The following AGPAT5 variants were observed in gnomAD, a reference collection of about 807,000 sequenced individuals.
AGPAT5 encodes 1-acylglycerol-3-phosphate O-acyltransferase 5, also known as 1-acyl-sn-glycerol-3-phosphate acyltransferase epsilon.
AGPAT5 carries 46 observed loss-of-function variants against 45.6 expected under a neutral mutation model. The ratio of observed to expected loss-of-function variants is 1.01; its 90% CI spans 0.80 to 1.29. The LOEUF is 1.29. Ranked by LOEUF, AGPAT5 falls within the 50% of genes most tolerant of loss-of-function variation. The pLI is 0.00. For synonymous variants in AGPAT5, 272 were observed against 167.0 expected (o/e 1.63, Z -4.85); for missense variants, 673 against 450.7 (o/e 1.49, Z -4.47).
At chr8:6,747,257 C>T (rs1368798066) in intron 5 of AGPAT5, among the ~76,000 whole-genome samples, 2 of 152,160 alleles carry the variant, frequency 1.3e-5, no homozygotes, top group Admixed American at 6.5e-5. Flanking sequence ...CCATGCTGAG[C>T]GAAAGAAGCC....
intron 1 of AGPAT5, among the ~76,000 whole-genome samples, chr8:6,716,617 T>C (rs1800339674): frequency 1.3e-5 from 2 of 152,142 alleles, no homozygotes; most frequent in Admixed American, 6.5e-5. Flanking sequence ...ATGGATCACC[T>C]GAGGTCGGGA....
rs1800635165 is a variant in AGPAT5, at chr8:6,724,950, C to T, written c.289+11C>T. The T allele has an allele frequency of 9.0e-7, 1 of 1,114,216 alleles. No homozygotes were observed. The highest frequency in any genetic ancestry group is 3.2e-5 in the East Asian group (1 of 31,536). 69.0% of individuals were successfully genotyped at this position (1,114,216 alleles called of 1,614,324 possible). A position where few individuals can be genotyped will look rare whatever the true frequency, so the allele number is the denominator to read the frequency against. On this transcript the variant is annotated intron_variant, in intron 2 of 7. Transcript: ENST00000285518. ...ATCATCAAAGCACAGGTTTGTATTT[C>T]ATTTGCATGAAACATAGGTTTTTCT...
At chr8:6,752,080 G>C (rs1414930310) in intron 6 of AGPAT5, among the ~76,000 whole-genome samples, 1 of 152,122 alleles carries the variant, frequency 6.6e-6, no homozygotes, top group Non-Finnish European at 1.5e-5. Flanking sequence ...AGGAGGCTGA[G>C]GTAGGGGAAT....
intron 1 of AGPAT5, among the ~76,000 whole-genome samples, chr8:6,714,299 A>G (rs370185836): frequency 2.0e-5 from 3 of 152,146 alleles, no homozygotes; most frequent in African/African-American, 4.8e-5. Context: ...GTGTTTCTGC[A>G]TTTGCTTATT....
Position 6,724,944 on chromosome 8 carries a change from G to A in AGPAT5, c.289+5G>A. On this transcript the variant is annotated splice_donor_5th_base_variant and intron_variant, in intron 2 of 7. Coordinates refer to ENST00000285518, the MANE Select transcript of AGPAT5 (RefSeq NM_018361.5). The stretch of plus-strand genomic sequence containing the variant: ...TAGCAAATCATCAAAGCACAGGTTT[G>A]TATTTCATTTGCATGAAACATAGGT... 8.8e-7 allele frequency: 1 copy of A among 1,135,954 alleles called. No homozygotes were observed. The highest frequency in any genetic ancestry group is 1.2e-6 in the Non-Finnish European group (1 of 864,420). 70.4% of individuals were successfully genotyped at this position (1,135,954 alleles called of 1,614,324 possible).
intron 4 of AGPAT5, among the ~76,000 whole-genome samples, chr8:6,739,456 T>C (rs895723857): frequency 1.3e-5 from 2 of 152,144 alleles, no homozygotes; most frequent in Non-Finnish European, 2.9e-5. Flanking sequence ...TCTTTATTTA[T>C]CTCAGTGTGT....
rs1802001844 is a variant in AGPAT5 at position 6,760,530 on chromosome 8, T to C, written c.*3142T>C. On this transcript the variant is annotated 3_prime_UTR_variant, in exon 8 of 8. Transcript: ENST00000285518. ...CCAAAGCAGTATTTTGTGTGTATAA[T>C]TGCAAGCGCATAGTAAAATAATTTT... Among the ~76,000 whole-genome samples, 1 of 152,278 alleles carries C rather than the reference T, an allele frequency of 6.6e-6. No homozygotes were observed. The highest frequency in any genetic ancestry group is 2.4e-5 in the African/African-American group (1 of 41,476).
At position 6,730,817 on chromosome 8, in the gene AGPAT5, C is replaced by T; in HGVS notation, c.396C>T (p.Tyr132=). Residue 132 remains tyrosine (Y), a synonymous_variant, in exon 3 of 8, where the codon TAC becomes TAT. Transcript: ENST00000285518. ...GLKWLPLYGC[Y]FAQHGGIYVK... ...AATGGCTGCCATTGTATGGGTGTTACTTTGCTCAGGTAACTTGTTTCCATG... is the reference window on the plus strand; with the variant it reads ...AATGGCTGCCATTGTATGGGTGTTATTTTGCTCAGGTAACTTGTTTCCATG... The T allele has an allele frequency of 1.2e-6, 2 of 1,610,050 alleles. No individual in the cohort carries two copies. The highest frequency in any genetic ancestry group is 2.2e-5 in the South Asian group (2 of 90,850).
intron 3 of AGPAT5, among the ~76,000 whole-genome samples, chr8:6,731,855 C>T (rs148813236): frequency 4.6e-5 from 7 of 152,320 alleles, no homozygotes; most frequent in African/African-American, 1.4e-4. Flanking sequence ...GGCCTCTCTC[C>T]CAGGCTTGCA....
intron 1 of AGPAT5, 94 bp downstream of exon 1, chr8:6,708,981 GC>G: frequency 1.6e-6 from 2 of 1,272,362 alleles, no homozygotes; most frequent in Admixed American, 4.0e-5. Context: ...GGGTCACCCG[GC>G]CGGCCCGGCG....
At chr8:6,711,547 A>G (rs1800155355) in intron 1 of AGPAT5, among the ~76,000 whole-genome samples, 1 of 152,222 alleles carries the variant, frequency 6.6e-6, no homozygotes, top group Non-Finnish European at 1.5e-5. Context: ...TTGAAAATCC[A>G]GTTAAGTCTC....
chr8:6,737,933 C>T (rs562189163), intron 4 of AGPAT5, among the ~76,000 whole-genome samples: 26 of 152,298 alleles, frequency 1.7e-4, no homozygotes, highest in Non-Finnish European at 3.4e-4. Context: ...TCTCAGCCTT[C>T]AGAGAATTAA....
chr8:6,740,221 C>T lies in AGPAT5; in HGVS notation c.496-1440C>T, dbSNP rs192339818. On this transcript the variant is annotated intron_variant, in intron 4 of 7. Coordinates refer to ENST00000285518, the MANE Select transcript of AGPAT5 (RefSeq NM_018361.5). ...AAATAATCGTTTTATTTATAAATGA[C>T]TGAGTTGAAAGCTGATAGCCCACAG... Among the ~76,000 whole-genome samples, 9 of 152,024 alleles carry T rather than the reference C, an allele frequency of 5.9e-5. No individual in the cohort carries two copies. The East Asian group carries it at 1.7e-3, about 29-fold the overall frequency.
chr8:6,740,892 A>C (rs983863465), intron 4 of AGPAT5, among the ~76,000 whole-genome samples: 5 of 152,096 alleles, frequency 3.3e-5, no homozygotes, highest in African/African-American at 1.2e-4. Context: ...TGGTGTGCAT[A>C]ACTTATTTTT....
intron 1 of AGPAT5, among the ~76,000 whole-genome samples, chr8:6,719,667 C>T (rs566152405): frequency 2.1e-4 from 32 of 152,188 alleles, no homozygotes; most frequent in Non-Finnish European, 4.1e-4. Flanking sequence ...TAGCCTCCAG[C>T]TTTACCACCC....
intron 2 of AGPAT5, among the ~76,000 whole-genome samples, chr8:6,728,064 C>A (rs923539760): frequency 6.6e-6 from 1 of 152,176 alleles, no homozygotes. Flanking sequence ...CATGCAGTAT[C>A]TCTTGGACTA....
intron 6 of AGPAT5, among the ~76,000 whole-genome samples, chr8:6,753,390 T>C (rs995233937): frequency 6.6e-6 from 1 of 152,210 alleles, no homozygotes; most frequent in Non-Finnish European, 1.5e-5. Flanking sequence ...GGTGGAGATC[T>C]AGATAATTCA....
intron 1 of AGPAT5, among the ~76,000 whole-genome samples, chr8:6,712,042 C>G (rs970211614): frequency 6.6e-6 from 1 of 152,284 alleles, no homozygotes; most frequent in South Asian, 2.1e-4. Flanking sequence ...TTCATTCCCC[C>G]ACAACAATGA....
intron 5 of AGPAT5, among the ~76,000 whole-genome samples, chr8:6,743,608 C>G (rs1409582645): frequency 2.6e-5 from 4 of 152,174 alleles, no homozygotes; most frequent in African/African-American, 7.2e-5. Context: ...AGTGCAGGCA[C>G]TGTGGTAATA....
Sources: gnomAD v4.1 joint callset for allele counts (sites outside exome capture counted in the v4.1 genomes callset) on GRCh38, gnomAD v4.1.1 for gene constraint, MANE v1.5 for transcripts, NCBI Gene and HGNC (gene_info 2026-07-23, HGNC 2026-07-21) for gene names.